The following SNX13 variants were observed in gnomAD, a reference collection of about 807,000 sequenced individuals.
The protein encoded by SNX13 is sorting nexin 13.
SNX13 carries 45 observed loss-of-function variants against 133.6 expected under a neutral mutation model. The ratio of observed to expected loss-of-function variants is 0.34; its 90% CI spans 0.27 to 0.43. The LOEUF is 0.43. SNX13 is among the 20% of genes least tolerant of loss of function. The pLI is 1.00. For missense variants in SNX13, 1,032 were observed against 1,145.1 expected (o/e 0.90, Z 1.43); for synonymous variants, 414 against 373.9 (o/e 1.11, Z -1.24).
chr7:17,919,340 T>C (rs752682854), intron 1 of SNX13, among the ~76,000 whole-genome samples: 2 of 152,188 alleles, frequency 1.3e-5, no homozygotes, highest in East Asian at 1.9e-4. Flanking sequence ...CACCCTATTA[T>C]AAGGTGACAT....
rs920499008 is a variant in SNX13, at chr7:17,796,735, TAATCAAAAGGCAGTTACACTGGCATGATG to T, written c.2626+63_2626+91del. Reference sequence around the variant, plus strand: ...TTAAGCCATCAAAAGGTAGTTGTTATAATCAAAAGGCAGTTACACTGGCATGATGAATGCTAAAAACTCAGAAGAATGAC... The same window carrying T: ...TTAAGCCATCAAAAGGTAGTTGTTATAATGCTAAAAACTCAGAAGAATGAC... On this transcript the variant is annotated intron_variant, in intron 25 of 25. Transcript: ENST00000428135. The T allele has an allele frequency of 1.6e-5, 14 of 870,900 alleles. No homozygotes were observed. The African/African-American group carries it at 2.1e-4, about 13-fold the overall frequency. The allele number at this position is 870,900 out of a possible 1,614,324, so 53.9% of individuals were successfully genotyped here. A position where few individuals can be genotyped will look rare whatever the true frequency, so the allele number is the denominator to read the frequency against.
chr7:17,846,216 G>C (rs1357108142), intron 11 of SNX13, among the ~76,000 whole-genome samples: 1 of 150,710 alleles, frequency 6.6e-6, no homozygotes, highest in Non-Finnish European at 1.5e-5. Context: ...ACTTTTCAAA[G>C]TCACAGAGCA....
intron 19 of SNX13, among the ~76,000 whole-genome samples, chr7:17,815,148 A>T (rs1786517204): frequency 6.6e-6 from 1 of 152,188 alleles, no homozygotes; most frequent in Non-Finnish European, 1.5e-5. Context: ...TATATTCTTT[A>T]TATCAGCTAT....
rs1235212791 is a variant in SNX13, at chr7:17,797,631, G to C, written c.2514-692C>G. Among the ~76,000 whole-genome samples the C allele has an allele frequency of 2.6e-5, 4 of 151,726 alleles. No individual in the cohort carries two copies. The East Asian group carries it at 7.7e-4, about 29-fold the overall frequency. On this transcript the variant is annotated intron_variant, in intron 24 of 25. Transcript: ENST00000428135. ...GAGCTTTACAGGCTCTTCATGTTCAGGCCTTTCATTGGATTAATTAAGTCA... is the reference window on the plus strand; with the variant it reads ...GAGCTTTACAGGCTCTTCATGTTCACGCCTTTCATTGGATTAATTAAGTCA...
At chr7:17,796,479 A>G (rs1784068666) in intron 25 of SNX13, 2 of 177,214 alleles carry the variant, frequency 1.1e-5, no homozygotes, top group South Asian at 1.8e-4. Context: ...ATATGTTTCA[A>G]GGCAGCAGAG....
intron 19 of SNX13, 101 bp from the exon 20 acceptor site, chr7:17,815,045 T>G: frequency 3.3e-6 from 4 of 1,202,578 alleles, no homozygotes; most frequent in African/African-American, 1.6e-5. Context: ...TAAGAATGTA[T>G]AGTAAAAAAT....
chr7:17,893,134 T>C (rs545827186), intron 3 of SNX13, among the ~76,000 whole-genome samples, 198 bp downstream of exon 3: 231 of 152,314 alleles, frequency 1.5e-3, no homozygotes, highest in African/African-American at 5.5e-3. Flanking sequence ...TCCCACTTTT[T>C]AAATCTAACA....
In SNX13 at chr7:17,803,452, T is replaced by G; in HGVS notation, c.2193A>C (p.Arg731Ser). The stretch of plus-strand genomic sequence containing the variant: ...ATGATTGCTTTATGTCTTGACCTAA[T>G]CTTTCTGACATTTTGCCCATGTTGT... ...MSDNMGKMSE[R>S]LGQDIKQSFF... Residue 731 changes from arginine (R) to serine (S), a missense_variant, in exon 21 of 26, where the codon AGA (arginine) becomes AGC (serine). Transcript: ENST00000428135. 6.2e-7 allele frequency: 1 copy of G among 1,612,222 alleles called. No homozygotes were observed. The highest frequency in any genetic ancestry group is 8.5e-7 in the Non-Finnish European group (1 of 1,179,008).
intron 12 of SNX13, 64 bp from the exon 13 acceptor site, chr7:17,840,064 T>G: frequency 7.2e-7 from 1 of 1,381,510 alleles, no homozygotes; most frequent in East Asian, 2.5e-5. Context: ...TCCATGTAGT[T>G]TTATGACAAG....
intron 1 of SNX13, among the ~76,000 whole-genome samples, chr7:17,917,994 A>G (rs1382569580): frequency 6.6e-6 from 1 of 152,158 alleles, no homozygotes; most frequent in African/African-American, 2.4e-5. Context: ...CCCAGAAATA[A>G]AGCCACACAC....
At chr7:17,929,037 T>C (rs1801094392) in intron 1 of SNX13, among the ~76,000 whole-genome samples, 1 of 152,168 alleles carries the variant, frequency 6.6e-6, no homozygotes, top group African/African-American at 2.4e-5. Context: ...TTTTCTATTT[T>C]GGCTTTTTTA....
intron 18 of SNX13, among the ~76,000 whole-genome samples, chr7:17,817,168 A>G (rs1205683164): frequency 6.6e-6 from 1 of 152,252 alleles, no homozygotes; most frequent in Non-Finnish European, 1.5e-5. Flanking sequence ...TGTGTATACC[A>G]TAAGTCTAGC....
chr7:17,937,046 T>C (rs1802154620), intron 1 of SNX13, among the ~76,000 whole-genome samples: 1 of 146,278 alleles, frequency 6.8e-6, no homozygotes. Context: ...AGCTAGACGT[T>C]ACATACAGCT....
intron 13 of SNX13, among the ~76,000 whole-genome samples, chr7:17,836,645 T>C (rs1050602900): frequency 6.6e-6 from 1 of 152,130 alleles, no homozygotes; most frequent in African/African-American, 2.4e-5. Context: ...ATGTGATTAT[T>C]TAAACAAACC....
intron 3 of SNX13, 124 bp downstream of exon 3, chr7:17,893,208 A>G: frequency 1.7e-6 from 1 of 584,628 alleles, no homozygotes; most frequent in Non-Finnish European, 3.0e-6. Context: ...ACAATCTCAC[A>G]TAAATTCCCA....
chr7:17,893,195 T>G (rs1583656161), intron 3 of SNX13, 137 bp downstream of exon 3: 1 of 564,040 alleles, frequency 1.8e-6, no homozygotes, highest in African/African-American at 2.0e-5. Context: ...TAAGTATAAT[T>G]AGACAATCTC....
chr7:17,894,811 T>C lies in SNX13; in HGVS notation c.126-1377A>G, dbSNP rs185110098. ...ATTAAATATTGTCAGTCTCAACTAC[T>C]GAAAGGAAGATTCTCAAAGTCCTCC... On this transcript the variant is annotated intron_variant, in intron 2 of 25. Transcript: ENST00000428135. Among the ~76,000 whole-genome samples the C allele has an allele frequency of 7.9e-5, 12 of 152,300 alleles. No individual in the cohort carries two copies. In the East Asian group the frequency reaches 2.3e-3, roughly 29 times the overall value.
chr7:17,809,965 A>G (rs987963285), intron 20 of SNX13, among the ~76,000 whole-genome samples: 1 of 152,236 alleles, frequency 6.6e-6, no homozygotes, highest in Non-Finnish European at 1.5e-5. Context: ...GGACACAGCT[A>G]AACAGCGTTT....
chr7:17,892,501 TA>T (rs977738946), intron 3 of SNX13, among the ~76,000 whole-genome samples: 349 of 137,312 alleles, frequency 2.5e-3, no homozygotes, highest in Middle Eastern at 3.8e-3. Flanking sequence ...GACTTATAAG[TA>T]AAAAAAAAAA....
Sources: allele counts gnomAD v4.1 joint callset (sites outside exome capture counted in the v4.1 genomes callset), GRCh38; gene constraint gnomAD v4.1.1; transcripts MANE v1.5; gene names NCBI Gene and HGNC (gene_info 2026-07-23, HGNC 2026-07-21).